Variants in KMT2C observed in about 807,000 individuals in gnomAD.
The protein encoded by KMT2C is histone-lysine N-methyltransferase 2C.
A neutral mutation model predicts 507.9 loss-of-function variants in KMT2C; 88 were observed. The ratio of observed to expected loss-of-function variants is 0.17; its 90% CI spans 0.15 to 0.21. The LOEUF (loss-of-function observed/expected upper bound fraction) is 0.21. Among genes scored for constraint, KMT2C ranks in the 10% least tolerant of loss-of-function variants. KMT2C has a pLI of 1.00. For synonymous variants in KMT2C, 2,049 were observed against 2,080.8 expected, an observed-to-expected ratio of 0.98 and a Z score of 0.42; for missense variants, 4,954 against 5,957.8, an observed-to-expected ratio of 0.83 and a Z score of 5.55.
rs527237311 is a variant in KMT2C at position 152,164,739 on chromosome 7, T to A, written c.9751-913A>T. Among the ~76,000 whole-genome samples the A allele has an allele frequency of 1.1e-4, 17 of 152,356 alleles. No homozygotes were observed. In the East Asian group the frequency reaches 3.3e-3, roughly 29 times the overall value. On this transcript the variant is annotated intron_variant, in intron 42 of 58. Coordinates refer to ENST00000262189, the MANE Select transcript of KMT2C (RefSeq NM_170606.3). Reference sequence around the variant, plus strand: ...ATCTATACAAGCTCCGAGGAAGTATTTTGAATAGTCTGTAAATAGACTCTT... The same window carrying A: ...ATCTATACAAGCTCCGAGGAAGTATATTGAATAGTCTGTAAATAGACTCTT...
chr7:152,165,541 G>C (rs1383713570), intron 42 of KMT2C, among the ~76,000 whole-genome samples: 1 of 152,172 alleles, frequency 6.6e-6, no homozygotes, highest in African/African-American at 2.4e-5. Flanking sequence ...AATAATCCTA[G>C]TTTTAAACAA....
At chr7:152,293,754 T>C (rs1273626569) in intron 6 of KMT2C, among the ~76,000 whole-genome samples, 4 of 152,242 alleles carry the variant, frequency 2.6e-5, no homozygotes, top group South Asian at 2.1e-4. Context: ...TGTTTTTAAA[T>C]AGGCATACAA....
At chr7:152,287,283 C>T (rs1224330029) in intron 6 of KMT2C, among the ~76,000 whole-genome samples, 1 of 152,234 alleles carries the variant, frequency 6.6e-6, no homozygotes, top group Admixed American at 6.5e-5. Flanking sequence ...ACCACCCCTC[C>T]ATCCCATTCA....
chr7:152,180,695 C>T lies in KMT2C; in HGVS notation c.7149+16G>A, dbSNP rs1316479485. 2 of 1,562,104 alleles carry T rather than the reference C, an allele frequency of 1.3e-6. No individual in the cohort carries two copies. The highest frequency in any genetic ancestry group is 1.2e-5 in the South Asian group (1 of 86,412). Reference sequence around the variant, plus strand: ...CAAATAATACATTTAAAACTGAGAACATACAATGTGTTTACCTGTCTCAAT... The same window carrying T: ...CAAATAATACATTTAAAACTGAGAATATACAATGTGTTTACCTGTCTCAAT... On this transcript the variant is annotated intron_variant, in intron 36 of 58. Coordinates refer to ENST00000262189, the MANE Select transcript of KMT2C (RefSeq NM_170606.3).
chr7:152,320,653 T>C (rs2096765175), intron 3 of KMT2C, among the ~76,000 whole-genome samples: 1 of 152,026 alleles, frequency 6.6e-6, no homozygotes, highest in Non-Finnish European at 1.5e-5. Flanking sequence ...TTAATTATTT[T>C]TCTCAGAAAA....
rs2095987763 is a variant in KMT2C, at chr7:152,272,116, T to C, written c.1012+1589A>G. Among the ~76,000 whole-genome samples, 6 of 152,148 alleles carry C rather than the reference T, an allele frequency of 3.9e-5. No homozygotes were observed. In the South Asian group the frequency reaches 1.2e-3, roughly 32 times the overall value. On this transcript the variant is annotated intron_variant, in intron 7 of 58. Coordinates refer to ENST00000262189, the MANE Select transcript of KMT2C (RefSeq NM_170606.3). ...TTTATGAGTCTCCATAAGTCTATTT[T>C]GGAAAAAGGCAGAGTACTCATAATT... is the stretch of plus-strand genomic sequence containing the variant.
chr7:152,148,887 G>A lies in KMT2C; in HGVS notation c.13040C>T (p.Pro4347Leu), dbSNP rs1019760354. 1.1e-5 allele frequency: 18 copies of A among 1,613,984 alleles called. No homozygotes were observed. Among genetic ancestry groups the A allele is most frequent in the South Asian group, 7.7e-5 (7 of 91,072 alleles). Residue 4347 changes from proline (P) to leucine (L), a missense_variant, in exon 52 of 59, where the codon CCG (proline) becomes CTG (leucine). Physicochemically the swap from Pro to Leu is moderately conservative, Grantham distance 98 (BLOSUM62 -3). This residue lies in a region of KMT2C where 417 missense variants were observed against 461.1 expected (regional missense o/e 0.90). Transcript: ENST00000262189. The surrounding 1 kb of genome is among the most constrained non-coding windows in gnomAD (Gnocchi z 7.1). ...CATTCCTCTCCATTTTTTATTGAGC[G>A]GCCTGCAATCTTCAAACCCACCATG... ...AVHGGFEDCRPLNKKWRGMKW... is the reference protein window; with the variant it reads ...AVHGGFEDCRLLNKKWRGMKW...
Position 152,180,861 on chromosome 7 carries a change from G to A in KMT2C, c.6999C>T (p.Ser2333=), listed in dbSNP as rs1407275973. 1 of 1,614,084 alleles carries A rather than the reference G, an allele frequency of 6.2e-7. No individual in the cohort carries two copies. Among genetic ancestry groups the A allele is most frequent in the African/African-American group, 1.3e-5 (1 of 74,928 alleles). ...ADQPRPGSEG[S]FCASSNSPMH... ...TTGGAGAGTTTGAAGATGCACAGAAGCTCCCCTCTGATCCAGGCCTTGGCT... is the reference window on the plus strand; with the variant it reads ...TTGGAGAGTTTGAAGATGCACAGAAACTCCCCTCTGATCCAGGCCTTGGCT... Residue 2333 remains serine, a synonymous_variant, in exon 36 of 59, where the codon AGC becomes AGT. Transcript: ENST00000262189.
rs771525847 is a variant in KMT2C, at chr7:152,177,084, A to G, written c.8369T>C (p.Val2790Ala). The change falls in exon 38 of 59, where the codon GTA becomes GCA. Residue 2790 changes from valine (V) to alanine (A), a missense_variant. By Grantham distance (64) the Val-to-Ala change is moderately conservative (BLOSUM62 0). This residue lies in a region of KMT2C where 1,689 missense variants were observed against 1,654.3 expected (regional missense o/e 1.02). Transcript: ENST00000262189. ...PIDDKLDNQC[V>A]SVEPKKKEQE... ...TTCCTTTTTTTTTGGTTCAACAGAT[A>G]CACACTGATTATCTAACTTATCATC... 8 of 1,612,856 alleles carry G rather than the reference A, an allele frequency of 5.0e-6. No individual in the cohort carries two copies. The Admixed American group carries it at 1.2e-4, about 24-fold the overall frequency.
intron 1 of KMT2C, among the ~76,000 whole-genome samples, chr7:152,371,953 T>C (rs1346864107): frequency 3.3e-5 from 5 of 151,878 alleles, no homozygotes; most frequent in African/African-American, 1.2e-4. Context: ...ATATGCTGCC[T>C]ACAAGATACA....
intron 3 of KMT2C, 98 bp from the exon 4 acceptor site, chr7:152,315,436 T>C (rs1336631027): frequency 1.2e-6 from 1 of 803,098 alleles, no homozygotes; most frequent in African/African-American, 1.7e-5. Context: ...AAATTATGTC[T>C]AAAGCACAAG....
chr7:152,149,021 A>G lies in KMT2C; in HGVS notation c.12906T>C (p.Pro4302=). Residue 4302 remains proline, a synonymous_variant, in exon 52 of 59, where the codon CCT becomes CCC. Transcript: ENST00000262189. ...LPQLPEKASP[P]ASPPIAFPPA... ...GAGGGAAGGCGATGGGTGGTGAGGC[A>G]GGGGGAGAAGCTTTCTCTGGGAGCT... 6.5e-7 allele frequency: 1 copy of G among 1,542,050 alleles called. No homozygotes were observed. The highest frequency in any genetic ancestry group is 1.3e-5 in the South Asian group (1 of 76,938).
intron 43 of KMT2C, among the ~76,000 whole-genome samples, chr7:152,160,347 T>C (rs200707074): frequency 6.6e-6 from 1 of 152,104 alleles, no homozygotes; most frequent in Non-Finnish European, 1.5e-5. Context: ...ACCTGCAGAA[T>C]CAGAAATACC....
Position 152,347,029 on chromosome 7 carries a change from C to A in KMT2C, c.250+11558G>T, listed in dbSNP as rs568905606. ...ATAATCCCAGCTCAGGAGGCTGAGG[C>A]AGGAGAATCGCTTGAACCCGGAAGG... On this transcript the variant is annotated intron_variant, in intron 2 of 58. Transcript: ENST00000262189. Among the ~76,000 whole-genome samples, 4 of 152,240 alleles carry A rather than the reference C, an allele frequency of 2.6e-5. No individual in the cohort carries two copies. In the East Asian group the frequency reaches 7.7e-4, roughly 29 times the overall value.
In KMT2C at chr7:152,183,105, A is replaced by G; in HGVS notation, c.5134T>C (p.Ser1712Pro). ...TGCTGCCTTTTCATGGAATCATTTGACATCTGTACTTTATTAATGCGTAAA... is the reference window on the plus strand; with the variant it reads ...TGCTGCCTTTTCATGGAATCATTTGGCATCTGTACTTTATTAATGCGTAAA... ...AALRINKVQM[S>P]NDSMKRQQQQ... The change falls in exon 35 of 59, where the codon TCA (serine) becomes CCA (proline). Residue 1712 changes from serine to proline, a missense_variant. Ser to Pro is a moderately conservative substitution (Grantham distance 74, BLOSUM62 -1). This residue lies in a region of KMT2C where 58 missense variants were observed against 63.3 expected (regional missense o/e 0.92). Coordinates refer to ENST00000262189, the MANE Select transcript of KMT2C (RefSeq NM_170606.3). 6.2e-7 allele frequency: 1 copy of G among 1,612,274 alleles called. No individual in the cohort carries two copies. The highest frequency in any genetic ancestry group is 8.5e-7 in the Non-Finnish European group (1 of 1,179,416).
At chr7:152,362,362 G>A (rs1589452763) in intron 1 of KMT2C, among the ~76,000 whole-genome samples, 1 of 152,138 alleles carries the variant, frequency 6.6e-6, no homozygotes, top group East Asian at 1.9e-4. Context: ...CAGCGGTAGG[G>A]GGTAAGAAGG....
At chr7:152,424,350 A>G (rs1163249460) in intron 1 of KMT2C, among the ~76,000 whole-genome samples, 2 of 152,142 alleles carry the variant, frequency 1.3e-5, no homozygotes, top group Non-Finnish European at 2.9e-5. Context: ...GATTAAAACA[A>G]CCAGCATTTT....
At chr7:152,320,920 A>T in intron 3 of KMT2C, among the ~76,000 whole-genome samples, 1 of 152,036 alleles carries the variant, frequency 6.6e-6, no homozygotes, top group East Asian at 1.9e-4. Context: ...AAAACTAAAA[A>T]TGTATAATAA....
chr7:152,231,276 A>G (rs1249551318), intron 16 of KMT2C, among the ~76,000 whole-genome samples: 7 of 152,220 alleles, frequency 4.6e-5, no homozygotes, highest in African/African-American at 1.2e-4. Context: ...GTTTGTTAAT[A>G]ATTTCTAGAG....
Sources: gnomAD v4.1 joint callset for allele counts (sites outside exome capture counted in the v4.1 genomes callset) on GRCh38, gnomAD v4.1.1 for gene constraint, gnomAD v4.1.1 regional missense constraint, Gnocchi (gnomAD v3.1) non-coding constraint, MANE v1.5 for transcripts, NCBI Gene and HGNC (gene_info 2026-07-23, HGNC 2026-07-21) for gene names.